Variants in MDN1 observed in about 807,000 individuals in gnomAD.
The protein encoded by MDN1 is midasin.
Under a neutral mutation model 669.2 loss-of-function variants are expected in MDN1, and 266 were observed. That is an observed-to-expected ratio of 0.40 (90% CI 0.36 to 0.44). MDN1 has a LOEUF of 0.44. Among genes scored for constraint, MDN1 ranks in the 20% least tolerant of loss-of-function variants. The pLI is 1.00. For synonymous variants in MDN1, 2,385 were observed against 2,457.1 expected (o/e 0.97, Z 0.87); for missense variants, 5,940 against 6,754.0 (o/e 0.88, Z 4.22).
At position 89,713,184 on chromosome 6, in the gene MDN1, T is replaced by TACTTCCC. The variant is rs767136469; in HGVS notation, c.7175_7181dup (p.Tyr2395GlyfsTer31). On this transcript the variant is annotated frameshift_variant, in exon 47 of 102. Coordinates refer to ENST00000369393, the MANE Select transcript of MDN1 (RefSeq NM_014611.3). LOFTEE classifies it high-confidence loss of function. ...CTGGTGAATGCTGGGAACAGACATA[T>TACTTCCC]ACTTCCCAGCATGCTTCAGAAAAGG... 1 of 1,614,070 alleles carries TACTTCCC rather than the reference T, an allele frequency of 6.2e-7. No homozygotes were observed. The highest frequency in any genetic ancestry group is 8.5e-7 in the Non-Finnish European group (1 of 1,179,988).
intron 82 of MDN1, 95 bp from the exon 83 acceptor site, chr6:89,671,175 T>TTG: frequency 7.4e-7 from 1 of 1,357,094 alleles, no homozygotes; most frequent in Non-Finnish European, 1.0e-6. Context: ...TTGCACAACA[T>TTG]TGTGAATGTA....
rs1584253866 is a variant in MDN1, at chr6:89,715,659, T to C, written c.6854A>G (p.Asn2285Ser). ...GSTPTITPNP[N>S]FRLFLSMDPV... ...ATGTAAGAGATACAAATACCTGAAA[T>C]TGGGATTTGGTGTTATCGTGGGAGT... The change falls in exon 45 of 102, where the codon AAT becomes AGT. Residue 2285 changes from asparagine (N) to serine (S), a missense_variant. Physicochemically the swap from Asn to Ser is conservative, Grantham distance 46 (BLOSUM62 1). This residue lies in a region of MDN1 where 2,292 missense variants were observed against 2,638.3 expected (regional missense o/e 0.87). Transcript: ENST00000369393. The C allele has an allele frequency of 6.3e-7, 1 of 1,587,724 alleles. No homozygotes were observed. The highest frequency in any genetic ancestry group is 8.7e-7 in the Non-Finnish European group (1 of 1,156,006).
chr6:89,687,103 C>T (rs1416043076), intron 68 of MDN1, 80 bp from the exon 69 acceptor site: 2 of 1,563,228 alleles, frequency 1.3e-6, no homozygotes, highest in East Asian at 4.5e-5. Context: ...AAGCTACATG[C>T]TCACATTTCT....
chr6:89,810,563 A>G (rs1196716575), intron 1 of MDN1, among the ~76,000 whole-genome samples: 2 of 152,158 alleles, frequency 1.3e-5, no homozygotes, highest in African/African-American at 4.8e-5. Context: ...ATAGGGGAGA[A>G]TCCTTCCTTG....
At chr6:89,705,509 G>A (rs909041176) in intron 53 of MDN1, among the ~76,000 whole-genome samples, 1 of 151,884 alleles carries the variant, frequency 6.6e-6, no homozygotes, top group East Asian at 1.9e-4. Flanking sequence ...AACAACAGGT[G>A]AGCGAATAAA....
At chr6:89,784,495 C>A (rs956781529) in intron 9 of MDN1, among the ~76,000 whole-genome samples, 1 of 151,976 alleles carries the variant, frequency 6.6e-6, no homozygotes, top group African/African-American at 2.4e-5. Flanking sequence ...CCAAGTGAGA[C>A]ATAAAAGGGA....
At chr6:89,741,258 T>C (rs1816282458) in intron 31 of MDN1, among the ~76,000 whole-genome samples, 1 of 151,904 alleles carries the variant, frequency 6.6e-6, no homozygotes, top group Non-Finnish European at 1.5e-5. Flanking sequence ...AAAAACTAAA[T>C]TGTGATGGTT....
chr6:89,722,869 G>T (rs745925178), intron 40 of MDN1, 86 bp downstream of exon 40: 116 of 1,061,382 alleles, frequency 1.1e-4, no homozygotes, highest in Admixed American at 5.2e-5. Context: ...AAAAAAAAAG[G>T]CTTGCAATTA....
At chr6:89,686,424 C>CAA (rs66643418) in intron 69 of MDN1, among the ~76,000 whole-genome samples, 26 of 148,632 alleles carry the variant, frequency 1.7e-4, no homozygotes, top group Non-Finnish European at 3.7e-4. Context: ...GACTCTGTCT[C>CAA]AAAAAAAAAT....
Position 89,661,582 on chromosome 6 carries a change from TG to T in MDN1, c.14566-5del. On this transcript the variant is annotated splice_polypyrimidine_tract_variant and splice_region_variant and intron_variant, in intron 87 of 101. Transcript: ENST00000369393. Reference sequence around the variant, plus strand: ...CCTCATTTTCATCATAGTCCCTCTTTGGGACAATGGAGACAACAGGGATAAA... The same window carrying T: ...CCTCATTTTCATCATAGTCCCTCTTTGGACAATGGAGACAACAGGGATAAA... The T allele has an allele frequency of 6.2e-7, 1 of 1,605,120 alleles. No individual in the cohort carries two copies. The highest frequency in any genetic ancestry group is 1.1e-5 in the South Asian group (1 of 88,648).
intron 59 of MDN1, among the ~76,000 whole-genome samples, chr6:89,697,331 A>G: frequency 6.6e-6 from 1 of 152,238 alleles, no homozygotes; most frequent in East Asian, 1.9e-4. Context: ...ATATAGGAGA[A>G]AATAATGGAA....
At chr6:89,664,858 A>C (rs1444265366) in intron 84 of MDN1, among the ~76,000 whole-genome samples, 1 of 152,228 alleles carries the variant, frequency 6.6e-6, no homozygotes, top group Non-Finnish European at 1.5e-5. Flanking sequence ...GAATTGTAAA[A>C]ATAGTCCCAG....
At chr6:89,674,618 C>A in intron 78 of MDN1, 29 bp from the exon 79 acceptor site, 2 of 1,505,696 alleles carry the variant, frequency 1.3e-6, no homozygotes, top group South Asian at 1.3e-5. Context: ...GGGAAAAACA[C>A]AATGAATGGC....
chr6:89,793,774 G>A lies in MDN1; in HGVS notation c.843C>T (p.Ala281=). 6.2e-7 allele frequency: 1 copy of A among 1,613,664 alleles called. No individual in the cohort carries two copies. Among genetic ancestry groups the A allele is most frequent in the Non-Finnish European group, 8.5e-7 (1 of 1,179,816 alleles). The change falls in exon 5 of 102, where the codon GCC becomes GCT. Residue 281 remains alanine (A), a synonymous_variant. Transcript: ENST00000369393. Reference sequence around the variant, plus strand: ...GATACCAACATACCAGCTCTCCAGGGGCTGGCAGCTGCCCAGGCAGCACCA... The same window carrying A: ...GATACCAACATACCAGCTCTCCAGGAGCTGGCAGCTGCCCAGGCAGCACCA... ...CGVVLPGQLP[A]PGELGGNRSS... is the part of the protein sequence containing the mutation.
chr6:89,747,563 T>C (rs573817468), intron 26 of MDN1, 93 bp from the exon 27 acceptor site: 21 of 1,308,492 alleles, frequency 1.6e-5, no homozygotes, highest in Non-Finnish European at 2.1e-5. Flanking sequence ...AACAAATTTA[T>C]GCTCCCATTT....
In MDN1 at chr6:89,708,564, C is replaced by G; in HGVS notation, c.7830G>C (p.Leu2610Phe). ...GGTCCGTTTGTGGGTCAAAGTCCAT[C>G]AAATTTCTAATCATGTCCAGAGCCT... is the stretch of plus-strand genomic sequence containing the variant. ...NMQALDMIRN[L>F]MDFDPQTDQP... The change falls in exon 51 of 102, where the codon TTG (leucine) becomes TTC (phenylalanine). Residue 2610 changes from leucine (L) to phenylalanine (F), a missense_variant. This residue lies in a region of MDN1 where 2,292 missense variants were observed against 2,638.3 expected (regional missense o/e 0.87). Transcript: ENST00000369393. The G allele has an allele frequency of 6.2e-7, 1 of 1,614,026 alleles. No homozygotes were observed. The highest frequency in any genetic ancestry group is 8.5e-7 in the Non-Finnish European group (1 of 1,179,928).
intron 34 of MDN1, 123 bp from the exon 35 acceptor site, chr6:89,731,046 T>G: frequency 1.4e-6 from 1 of 722,998 alleles, no homozygotes; most frequent in East Asian, 2.7e-5. Flanking sequence ...AGCCTAAATG[T>G]GATTTCTAGT....
In MDN1 at chr6:89,758,341, A is replaced by T. The variant is rs747998737; in HGVS notation, c.2616T>A (p.Val872=). ...LLDRGDTEPL[V]RHPDFRLFAC... ...CAAATAAACGGAAGTCAGGATGCCG[A>T]ACCAGTGGCTCTGTTAAGAGAAAAT... Residue 872 remains valine, a synonymous_variant, in exon 19 of 102, where the codon GTT becomes GTA. Coordinates refer to ENST00000369393, the MANE Select transcript of MDN1 (RefSeq NM_014611.3). 3.1e-6 allele frequency: 5 copies of T among 1,608,314 alleles called. No individual in the cohort carries two copies. The highest frequency in any genetic ancestry group is 4.2e-6 in the Non-Finnish European group (5 of 1,176,820).
At chr6:89,663,413 CT>C (rs1170862132) in intron 85 of MDN1, among the ~76,000 whole-genome samples, 1 of 152,134 alleles carries the variant, frequency 6.6e-6, no homozygotes, top group East Asian at 1.9e-4. Flanking sequence ...ACAGGGTATA[CT>C]TTGCAAAAGG....
Sources: gnomAD v4.1 joint callset for allele counts (sites outside exome capture counted in the v4.1 genomes callset) on GRCh38, gnomAD v4.1.1 for gene constraint, gnomAD v4.1.1 regional missense constraint, MANE v1.5 for transcripts, NCBI Gene and HGNC (gene_info 2026-07-23, HGNC 2026-07-21) for gene names.